The following CSMD3 variants were observed in gnomAD, a reference collection of about 807,000 sequenced individuals.
CSMD3 encodes the protein CUB and sushi domain-containing protein 3.
CSMD3 carries 177 observed loss-of-function variants against 435.2 expected under a neutral mutation model. The observed-to-expected ratio is 0.41, with a 90% CI of 0.36 to 0.46. The LOEUF (loss-of-function observed/expected upper bound fraction) is 0.46. Among genes scored for constraint, CSMD3 ranks in the 20% least tolerant of loss-of-function variants. CSMD3 has a pLI of 0.34. For missense variants in CSMD3, 4,265 were observed against 4,504.6 expected (o/e 0.95, Z 1.52); for synonymous variants, 1,656 against 1,520.5 (o/e 1.09, Z -2.07).
intron 4 of CSMD3, among the ~76,000 whole-genome samples, chr8:113,145,490 G>T (rs2091651490): frequency 1.3e-5 from 2 of 151,328 alleles, no homozygotes; most frequent in South Asian, 4.2e-4. Context: ...TATCATTAGT[G>T]TTGCCATGGA....
chr8:113,316,884 G>A (rs1446364338), intron 1 of CSMD3, among the ~76,000 whole-genome samples: 4 of 152,164 alleles, frequency 2.6e-5, no homozygotes, highest in Non-Finnish European at 5.9e-5. Context: ...TGACTCTGCT[G>A]ACTCCAGTGA....
intron 13 of CSMD3, among the ~76,000 whole-genome samples, chr8:112,797,159 C>T (rs2078848451): frequency 6.6e-6 from 1 of 151,860 alleles, no homozygotes; most frequent in South Asian, 2.1e-4. Context: ...TACTATTTTA[C>T]ATTCATACAT....
At chr8:112,971,250 T>G (rs767682729) in intron 7 of CSMD3, among the ~76,000 whole-genome samples, 2 of 152,206 alleles carry the variant, frequency 1.3e-5, no homozygotes, top group Non-Finnish European at 2.9e-5. Flanking sequence ...TACAATGTCA[T>G]GCACATCACA....
At chr8:113,155,118 A>T (rs2091905611) in intron 4 of CSMD3, among the ~76,000 whole-genome samples, 1 of 152,052 alleles carries the variant, frequency 6.6e-6, no homozygotes, top group Non-Finnish European at 1.5e-5. Flanking sequence ...TTTAATAGTT[A>T]CTGTAAAGCA....
chr8:113,241,014 G>A (rs1050267134), intron 3 of CSMD3, among the ~76,000 whole-genome samples: 3 of 152,004 alleles, frequency 2.0e-5, no homozygotes, highest in Non-Finnish European at 4.4e-5. Context: ...TAATAAATAT[G>A]GTAGAAACAT....
intron 64 of CSMD3, among the ~76,000 whole-genome samples, chr8:112,246,456 G>A (rs1814731520): frequency 6.6e-6 from 1 of 152,122 alleles, no homozygotes; most frequent in African/African-American, 2.4e-5. Flanking sequence ...ATTTCTAATT[G>A]TATGTCAGAA....
chr8:113,154,278 A>T (rs2091890620), intron 4 of CSMD3, among the ~76,000 whole-genome samples: 1 of 151,994 alleles, frequency 6.6e-6, no homozygotes, highest in African/African-American at 2.4e-5. Flanking sequence ...TCTGAATGTG[A>T]CCAACATAAA....
intron 1 of CSMD3, among the ~76,000 whole-genome samples, chr8:113,391,382 C>T (rs73341985): frequency 0.065 from 9,713 of 150,266 alleles, 743 homozygotes; most frequent in African/African-American, 0.18. Context: ...CTGTTGGTTT[C>T]CCATGGTGGT....
chr8:112,909,921 C>G (rs2082360970), intron 10 of CSMD3, among the ~76,000 whole-genome samples: 1 of 151,718 alleles, frequency 6.6e-6, no homozygotes, highest in Non-Finnish European at 1.5e-5. Flanking sequence ...ACTCAGTGAC[C>G]TCACTGCATC....
intron 9 of CSMD3, among the ~76,000 whole-genome samples, chr8:112,938,771 T>G (rs1220911416): frequency 6.6e-6 from 1 of 152,094 alleles, no homozygotes; most frequent in Non-Finnish European, 1.5e-5. Context: ...GAAAGTTAGG[T>G]TTCCACTACA....
intron 5 of CSMD3, among the ~76,000 whole-genome samples, chr8:113,056,303 G>A (rs1474850562): frequency 6.6e-6 from 1 of 152,120 alleles, no homozygotes; most frequent in Non-Finnish European, 1.5e-5. Flanking sequence ...GAATGCCAGT[G>A]TTAGAAAGAA....
intron 38 of CSMD3, among the ~76,000 whole-genome samples, chr8:112,366,885 G>A (rs1363147355): frequency 2.0e-5 from 3 of 152,162 alleles, no homozygotes; most frequent in African/African-American, 7.2e-5. Context: ...GCTTACAAAA[G>A]TGTCTTGAAC....
At chr8:112,708,351 A>T (rs893943516) in intron 13 of CSMD3, among the ~76,000 whole-genome samples, 1 of 152,072 alleles carries the variant, frequency 6.6e-6, no homozygotes, top group Admixed American at 6.6e-5. Flanking sequence ...TAATGGAGTT[A>T]ATTGTGTAAG....
chr8:112,353,168 A>T (rs1045425658), intron 38 of CSMD3, among the ~76,000 whole-genome samples: 6 of 152,146 alleles, frequency 3.9e-5, no homozygotes, highest in African/African-American at 1.4e-4. Context: ...AGGTGGGTGG[A>T]TCACCTGTGG....
chr8:113,008,066 C>A (rs2086122785), intron 6 of CSMD3, among the ~76,000 whole-genome samples: 1 of 150,986 alleles, frequency 6.6e-6, no homozygotes, highest in East Asian at 1.9e-4. Flanking sequence ...AGTAAGTATG[C>A]ATTTAGAAGT....
chr8:112,634,842 G>A (rs1586851786), intron 22 of CSMD3, among the ~76,000 whole-genome samples: 2 of 151,594 alleles, frequency 1.3e-5, no homozygotes, highest in East Asian at 1.9e-4. Context: ...CTAGAATCAC[G>A]TTTCCCTAGA....
rs918289885 is a variant in CSMD3 at position 113,386,668 on chromosome 8, A to C, written c.178+50009T>G. 7.9e-5 allele frequency among the ~76,000 whole-genome samples: 12 copies of C among 151,976 alleles called. No individual in the cohort carries two copies. The South Asian group carries it at 8.3e-4, about 10-fold the overall frequency. ...AAGCAACAAATGGGGACTCAATGGC[A>C]ATCATAGCAATTAGACTACATTCAC... is the stretch of plus-strand genomic sequence containing the variant. On this transcript the variant is annotated intron_variant, in intron 1 of 70. Coordinates refer to ENST00000297405, the MANE Select transcript of CSMD3 (RefSeq NM_198123.2).
At chr8:112,911,629 G>A (rs2082414997) in intron 10 of CSMD3, among the ~76,000 whole-genome samples, 1 of 95,624 alleles carries the variant, frequency 1.0e-5, no homozygotes, top group Non-Finnish European at 1.9e-5. Context: ...GTGTGTGTGT[G>A]TGTACATATA....
At chr8:113,087,023 A>T (rs2131486119) in intron 5 of CSMD3, among the ~76,000 whole-genome samples, 1 of 152,200 alleles carries the variant, frequency 6.6e-6, no homozygotes, top group Middle Eastern at 3.4e-3. Flanking sequence ...AATGAAAGAC[A>T]CCTGATTCTC....
Sources: gnomAD v4.1 joint callset for allele counts (sites outside exome capture counted in the v4.1 genomes callset) on GRCh38, gnomAD v4.1.1 for gene constraint, MANE v1.5 for transcripts, NCBI Gene and HGNC (gene_info 2026-07-23, HGNC 2026-07-21) for gene names.